Variants in USH2A observed in about 807,000 individuals in gnomAD.
USH2A encodes the protein Usher syndrome 2A (autosomal recessive, mild).
A neutral mutation model predicts 538.9 loss-of-function variants in USH2A; 443 were observed. That is an observed-to-expected ratio of 0.82 (90% CI 0.76 to 0.89). USH2A has a LOEUF of 0.89. Among genes scored for constraint, USH2A ranks in the 40% least tolerant of loss-of-function variants. USH2A has a pLI of 0.00. For synonymous variants in USH2A, 2,413 were observed against 2,273.5 expected (o/e 1.06, Z -1.75); for missense variants, 6,633 against 6,324.8 (o/e 1.05, Z -1.65).
intron 13 of USH2A, among the ~76,000 whole-genome samples, chr1:216,240,843 C>T (rs1052667513): frequency 5.3e-5 from 8 of 152,068 alleles, no homozygotes; most frequent in African/African-American, 1.7e-4. Context: ...GGAAGGAAAT[C>T]CCTAGTATAG....
intron 58 of USH2A, among the ~76,000 whole-genome samples, chr1:215,757,647 T>C (rs966160873): frequency 1.3e-5 from 2 of 152,210 alleles, no homozygotes; most frequent in Non-Finnish European, 2.9e-5. Context: ...AAGTCCTCCA[T>C]ATGTCCTTTC....
chr1:215,761,334 T>C (rs1249599113), intron 56 of USH2A, among the ~76,000 whole-genome samples: 2 of 152,218 alleles, frequency 1.3e-5, no homozygotes, highest in Non-Finnish European at 2.9e-5. Context: ...CCCCATCTAA[T>C]GGAGTCCCAA....
rs776374336 is a variant in USH2A, at chr1:216,196,516, C to T, written c.4251+37G>A. 1.1e-5 allele frequency: 18 copies of T among 1,611,758 alleles called. No individual in the cohort carries two copies. In the South Asian group the frequency reaches 1.9e-4, roughly 17 times the overall value. ...AAAAATGTCCAAATGAAGCCCTAAGCCAATTCTGAAAGGACATTAGTTAAA... is the reference window on the plus strand; with the variant it reads ...AAAAATGTCCAAATGAAGCCCTAAGTCAATTCTGAAAGGACATTAGTTAAA... On this transcript the variant is annotated intron_variant, in intron 19 of 71. Transcript: ENST00000307340.
chr1:216,385,566 AT>A (rs2038990292), intron 3 of USH2A, among the ~76,000 whole-genome samples: 1 of 152,194 alleles, frequency 6.6e-6, no homozygotes, highest in Non-Finnish European at 1.5e-5. Context: ...TCCAACTAGA[AT>A]TTTGGGGTGA....
chr1:215,638,994 A>C (rs1334562505), intron 69 of USH2A, among the ~76,000 whole-genome samples, 161 bp downstream of exon 69: 1 of 146,874 alleles, frequency 6.8e-6, no homozygotes, highest in Non-Finnish European at 1.5e-5. Context: ...AAACAACAAC[A>C]AAAAAAAAAC....
At chr1:216,072,846 CAT>C (rs751175430) in intron 29 of USH2A, 41 bp downstream of exon 29, 7 of 1,499,466 alleles carry the variant, frequency 4.7e-6, no homozygotes, top group Admixed American at 1.7e-5. Flanking sequence ...CAAATACATG[CAT>C]GTGTGTGTGT....
chr1:216,231,892 C>T lies in USH2A; in HGVS notation c.2993+61G>A, dbSNP rs555037401. ...TACAGAAGTTATTGCTTTGCAACTG[C>T]CAAAAAAAGTTAACTGTTGCTAAAG... is the stretch of plus-strand genomic sequence containing the variant. On this transcript the variant is annotated intron_variant, in intron 14 of 71. Transcript: ENST00000307340. The T allele has an allele frequency of 8.3e-5, 134 of 1,606,812 alleles. 1 individual carries two copies. The highest frequency in any genetic ancestry group is 3.4e-4 in the Middle Eastern group (2 of 5,946).
At chr1:215,654,677 T>C (rs1361494074) in intron 64 of USH2A, among the ~76,000 whole-genome samples, 1 of 152,228 alleles carries the variant, frequency 6.6e-6, no homozygotes, top group Non-Finnish European at 1.5e-5. Context: ...TAACTACTTT[T>C]AATAAGCATA....
At chr1:216,125,286 A>C (rs2033227208) in intron 21 of USH2A, among the ~76,000 whole-genome samples, 1 of 151,690 alleles carries the variant, frequency 6.6e-6, no homozygotes, top group African/African-American at 2.4e-5. Context: ...AAGATCATTA[A>C]ACGTTATCTA....
At chr1:216,338,006 AC>A (rs2038005775) in intron 4 of USH2A, among the ~76,000 whole-genome samples, 1 of 151,406 alleles carries the variant, frequency 6.6e-6, no homozygotes, top group African/African-American at 2.4e-5. Context: ...TTACTAAAAG[AC>A]ATAAAAGAAG....
chr1:216,024,803 G>T lies in USH2A; in HGVS notation c.6325+21628C>A, dbSNP rs191602287. On this transcript the variant is annotated intron_variant, in intron 32 of 71. Coordinates refer to ENST00000307340, the MANE Select transcript of USH2A (RefSeq NM_206933.4). ...TGTTTTGAATTATACACTGTTCTGG[G>T]TTATAATTCCCAAACTTCACAGATG... 2.3e-3 allele frequency among the ~76,000 whole-genome samples: 354 copies of T among 151,962 alleles called. 2 individuals are homozygous for T. Among genetic ancestry groups the T allele is most frequent in the Non-Finnish European group, 4.1e-3 (279 of 67,822 alleles).
chr1:216,120,529 G>A (rs932151391), intron 21 of USH2A, among the ~76,000 whole-genome samples: 4 of 150,484 alleles, frequency 2.7e-5, no homozygotes, highest in East Asian at 2.1e-4. Flanking sequence ...ACAGGCTCCC[G>A]CCACAGCGCC....
At chr1:215,828,466 A>G (rs1477374144) in intron 47 of USH2A, among the ~76,000 whole-genome samples, 1 of 152,164 alleles carries the variant, frequency 6.6e-6, no homozygotes, top group Non-Finnish European at 1.5e-5. Context: ...AAAGAAAAAA[A>G]TATATAGATA....
chr1:216,035,261 A>G (rs929897132), intron 32 of USH2A, among the ~76,000 whole-genome samples: 3 of 152,188 alleles, frequency 2.0e-5, no homozygotes, highest in African/African-American at 7.2e-5. Context: ...TGAGCTCAAC[A>G]AGGTGGGCCC....
intron 32 of USH2A, among the ~76,000 whole-genome samples, chr1:216,027,533 CAG>C (rs932571599): frequency 3.9e-5 from 6 of 152,256 alleles, no homozygotes; most frequent in African/African-American, 1.2e-4. Flanking sequence ...TTAATTAAAA[CAG>C]GGGTGTTATA....
intron 47 of USH2A, 104 bp downstream of exon 47, chr1:215,837,887 A>G: frequency 1.1e-6 from 1 of 926,120 alleles, no homozygotes; most frequent in South Asian, 1.3e-5. Flanking sequence ...TACTTATAAT[A>G]ACCCATTAAA....
chr1:216,138,354 G>T (rs2033527848), intron 21 of USH2A, among the ~76,000 whole-genome samples: 1 of 152,196 alleles, frequency 6.6e-6, no homozygotes, highest in East Asian at 1.9e-4. Flanking sequence ...TATTAAAAAA[G>T]CTTGCAAAAG....
Position 215,759,660 on chromosome 1 carries a change from C to T in USH2A, c.11231G>A (p.Arg3744Lys). Reference sequence around the variant, plus strand: ...TTGGTAAAGTTTTCTTTTAGTTTACCTGCTATTGGGCTCCAGGTTTTTATC... The same window carrying T: ...TTGGTAAAGTTTTCTTTTAGTTTACTTGCTATTGGGCTCCAGGTTTTTATC... ...FTDKNLEPNS[R>K]YTYKLEVKTG... The change falls in exon 57 of 72, where the codon AGA becomes AAA. Residue 3744 changes from arginine (R) to lysine (K), a missense_variant and splice_region_variant. Coordinates refer to ENST00000307340, the MANE Select transcript of USH2A (RefSeq NM_206933.4). 1 of 1,613,838 alleles carries T rather than the reference C, an allele frequency of 6.2e-7. No homozygotes were observed. Among genetic ancestry groups the T allele is most frequent in the East Asian group, 2.2e-5 (1 of 44,852 alleles).
Position 215,623,416 on chromosome 1 carries a change from T to A in USH2A, c.*2365A>T, listed in dbSNP as rs1230642413. 6.6e-6 allele frequency: 1 copy of A among 151,882 alleles called. No homozygotes were observed. The highest frequency in any genetic ancestry group is 2.4e-5 in the African/African-American group (1 of 41,424). 9.4% of individuals were successfully genotyped at this position (151,882 alleles called of 1,614,324 possible). A position where few individuals can be genotyped will look rare whatever the true frequency, so the allele number is the denominator to read the frequency against. On this transcript the variant is annotated 3_prime_UTR_variant, in exon 72 of 72. Transcript: ENST00000307340. ...CAGTGGGTCTCAACATTAGAACACC[T>A]GGAAGCTTTAAAAAGTACTGATGCC...
Sources: allele counts gnomAD v4.1 joint callset (sites outside exome capture counted in the v4.1 genomes callset), GRCh38; gene constraint gnomAD v4.1.1; transcripts MANE v1.5; gene names NCBI Gene and HGNC (gene_info 2026-07-23, HGNC 2026-07-21).